The following A1CF variants were observed in gnomAD, a reference collection of about 807,000 sequenced individuals.
The protein encoded by A1CF is APOBEC1 complementation factor, also known as APOBEC-1 stimulating protein.
A neutral mutation model predicts 68.9 loss-of-function variants in A1CF; 48 were observed. The ratio of observed to expected loss-of-function variants is 0.70; its 90% CI spans 0.55 to 0.89. A1CF has a LOEUF of 0.89. A1CF is among the 40% of genes least tolerant of loss of function. The pLI is 0.00. For missense variants in A1CF, 653 were observed against 718.9 expected (o/e 0.91, Z 1.05); for synonymous variants, 272 against 260.4 (o/e 1.04, Z -0.43).
At position 50,838,514 on chromosome 10, in the gene A1CF, A is replaced by G. The variant is rs150230625; in HGVS notation, c.366-2202T>C. ...CAGCAGGAGGAGCCTAGAATTCCAT[A>G]TTTTATTTTTAAATGGTTGTGGTTT... On this transcript the variant is annotated intron_variant, in intron 5 of 12. Transcript: ENST00000373997. Among the ~76,000 whole-genome samples the G allele has an allele frequency of 2.2e-3, 342 of 152,172 alleles. 1 individual carries two copies. Among genetic ancestry groups the G allele is most frequent in the African/African-American group, 7.9e-3 (326 of 41,518 alleles).
At chr10:50,847,616 T>A (rs1840058309) in intron 3 of A1CF, among the ~76,000 whole-genome samples, 2 of 152,190 alleles carry the variant, frequency 1.3e-5, no homozygotes, top group Non-Finnish European at 2.9e-5. Context: ...GAACTTGTTA[T>A]ATACCTGGGG....
At position 50,801,043 on chromosome 10, in the gene A1CF, G is replaced by A. The variant is rs1837580445; in HGVS notation, c.*5686C>T. ...CTGTGGATCTCTACAGACCAAGCAAGTGTCCCCAAGAGCTATCTTTTGTCT... is the reference window on the plus strand; with the variant it reads ...CTGTGGATCTCTACAGACCAAGCAAATGTCCCCAAGAGCTATCTTTTGTCT... On this transcript the variant is annotated 3_prime_UTR_variant, in exon 13 of 13. Transcript: ENST00000373997. 2 of 152,238 alleles carry A rather than the reference G, an allele frequency of 1.3e-5. No homozygotes were observed. The highest frequency in any genetic ancestry group is 2.4e-5 in the African/African-American group (1 of 41,444). The allele number at this position is 152,238 out of a possible 1,614,324, so 9.4% of individuals were successfully genotyped here. A position where few individuals can be genotyped will look rare whatever the true frequency, so the allele number is the denominator to read the frequency against.
intron 7 of A1CF, among the ~76,000 whole-genome samples, chr10:50,826,391 G>C (rs1171979066): frequency 3.3e-5 from 5 of 152,092 alleles, no homozygotes; most frequent in Non-Finnish European, 7.4e-5. Flanking sequence ...GTTATGGGAA[G>C]TCATCTCAAG....
intron 5 of A1CF, among the ~76,000 whole-genome samples, chr10:50,840,721 T>C (rs963172704): frequency 6.6e-6 from 1 of 152,174 alleles, no homozygotes; most frequent in African/African-American, 2.4e-5. Flanking sequence ...CTGTGACCTG[T>C]CTCCTGACTC....
At chr10:50,861,184 C>G (rs1038235111) in intron 2 of A1CF, among the ~76,000 whole-genome samples, 1 of 151,890 alleles carries the variant, frequency 6.6e-6, no homozygotes, top group Non-Finnish European at 1.5e-5. Context: ...GTGATCGTTT[C>G]TGAAAAATGC....
At chr10:50,847,401 T>C (rs1840050238) in intron 3 of A1CF, among the ~76,000 whole-genome samples, 2 of 152,232 alleles carry the variant, frequency 1.3e-5, no homozygotes, top group Admixed American at 1.3e-4. Context: ...ACTCAGTTTA[T>C]ATGTCAAGAG....
intron 6 of A1CF, among the ~76,000 whole-genome samples, chr10:50,835,125 C>T (rs1173420531): frequency 6.6e-6 from 1 of 152,026 alleles, no homozygotes; most frequent in Non-Finnish European, 1.5e-5. Flanking sequence ...GATTCAGCAA[C>T]CTTTGGGACT....
intron 8 of A1CF, among the ~76,000 whole-genome samples, chr10:50,818,353 T>C (rs981076586): frequency 2.0e-5 from 3 of 152,014 alleles, no homozygotes; most frequent in African/African-American, 7.2e-5. Flanking sequence ...TCAAAAACCT[T>C]CATAGTTCCT....
At chr10:50,879,380 T>C (rs1841669198) in intron 1 of A1CF, among the ~76,000 whole-genome samples, 1 of 152,210 alleles carries the variant, frequency 6.6e-6, no homozygotes, top group African/African-American at 2.4e-5. Context: ...TTACTTTTTA[T>C]TTTTATCAAT....
In A1CF at chr10:50,828,184, A is replaced by AT. The variant is rs772866442; in HGVS notation, c.715dup (p.Met239AsnfsTer6). 6.2e-7 allele frequency: 1 copy of AT among 1,608,708 alleles called. No homozygotes were observed. Among genetic ancestry groups the AT allele is most frequent in the South Asian group, 1.1e-5 (1 of 90,488 alleles). On this transcript the variant is annotated frameshift_variant, in exon 7 of 13. Coordinates refer to ENST00000373997, the MANE Select transcript of A1CF (RefSeq NM_014576.4). LOFTEE classifies it high-confidence loss of function. ...AATCATCTCTTCAGAGGTAGACAGC[A>AT]TAAGATTTCTTACATATAGGATTTT...
intron 2 of A1CF, among the ~76,000 whole-genome samples, chr10:50,860,980 T>A (rs1000351123): frequency 2.0e-5 from 3 of 152,204 alleles, no homozygotes; most frequent in Non-Finnish European, 4.4e-5. Flanking sequence ...GACAGAGGAA[T>A]ATGTTTTACA....
intron 6 of A1CF, among the ~76,000 whole-genome samples, chr10:50,834,882 T>G (rs1427202536): frequency 1.3e-5 from 2 of 152,044 alleles, no homozygotes; most frequent in African/African-American, 2.4e-5. Flanking sequence ...AAGAACAGGA[T>G]GGATACAAAA....
intron 3 of A1CF, among the ~76,000 whole-genome samples, chr10:50,847,821 G>T (rs933787329): frequency 6.6e-6 from 1 of 152,088 alleles, no homozygotes; most frequent in African/African-American, 2.4e-5. Flanking sequence ...AAACTTTAAT[G>T]TTGAGCATTC....
rs896962549 is a variant in A1CF at position 50,859,956 on chromosome 10, G to A, written c.-16C>T. On this transcript the variant is annotated 5_prime_UTR_variant, in exon 3 of 13. Coordinates refer to ENST00000373997, the MANE Select transcript of A1CF (RefSeq NM_014576.4). ...TTGATTCCATTGAGAGTGATTATCAGCAAAAAATCAGGTTAATTAGGGTTG... is the reference window on the plus strand; with the variant it reads ...TTGATTCCATTGAGAGTGATTATCAACAAAAAATCAGGTTAATTAGGGTTG... 6.2e-7 allele frequency: 1 copy of A among 1,608,450 alleles called. No homozygotes were observed. Among genetic ancestry groups the A allele is most frequent in the Non-Finnish European group, 8.5e-7 (1 of 1,176,328 alleles).
At chr10:50,818,452 T>G (rs957539632) in intron 8 of A1CF, among the ~76,000 whole-genome samples, 1 of 151,886 alleles carries the variant, frequency 6.6e-6, no homozygotes, top group Non-Finnish European at 1.5e-5. Context: ...GTGTAAATAA[T>G]TACTCTAAAA....
At chr10:50,843,660 T>C (rs1468344565) in intron 4 of A1CF, among the ~76,000 whole-genome samples, 2 of 152,206 alleles carry the variant, frequency 1.3e-5, no homozygotes, top group Non-Finnish European at 2.9e-5. Context: ...GTTGGAGCAA[T>C]ATCTAATTTT....
rs1837723187 is a variant in A1CF, at chr10:50,804,179, T to C, written c.*2550A>G. 6.6e-6 allele frequency: 1 copy of C among 152,172 alleles called. No homozygotes were observed. The highest frequency in any genetic ancestry group is 2.1e-4 in the South Asian group (1 of 4,832). 9.4% of individuals were successfully genotyped at this position (152,172 alleles called of 1,614,324 possible). A position where few individuals can be genotyped will look rare whatever the true frequency, so the allele number is the denominator to read the frequency against. Reference sequence around the variant, plus strand: ...TTCTACCTACTTATACAAAACTGGCTCTAAAGAGGTAAATGGTGTGATAAC... The same window carrying C: ...TTCTACCTACTTATACAAAACTGGCCCTAAAGAGGTAAATGGTGTGATAAC... On this transcript the variant is annotated 3_prime_UTR_variant, in exon 13 of 13. Coordinates refer to ENST00000373997, the MANE Select transcript of A1CF (RefSeq NM_014576.4).
chr10:50,810,886 C>T (rs1265967325), intron 11 of A1CF, among the ~76,000 whole-genome samples, 154 bp downstream of exon 11: 1 of 152,192 alleles, frequency 6.6e-6, no homozygotes, highest in Non-Finnish European at 1.5e-5. Flanking sequence ...GGTTTCATGG[C>T]TGGCACATCC....
At chr10:50,850,057 A>G (rs964836829) in intron 3 of A1CF, among the ~76,000 whole-genome samples, 1 of 152,172 alleles carries the variant, frequency 6.6e-6, no homozygotes, top group African/African-American at 2.4e-5. Flanking sequence ...TATCTATGGC[A>G]AAAATCATGA....
Sources: allele counts gnomAD v4.1 joint callset (sites outside exome capture counted in the v4.1 genomes callset), GRCh38; gene constraint gnomAD v4.1.1; transcripts MANE v1.5; gene names NCBI Gene and HGNC (gene_info 2026-07-23, HGNC 2026-07-21).